The following CDC40 variants were observed in gnomAD, a reference collection of about 807,000 sequenced individuals.
CDC40 encodes pre-mRNA-processing factor 17.
CDC40 carries 27 observed loss-of-function variants against 80.6 expected under a neutral mutation model. That is an observed-to-expected ratio of 0.33 (90% CI 0.25 to 0.46). CDC40 has a LOEUF of 0.46. CDC40 is among the 20% of genes least tolerant of loss of function. The probability of loss-of-function intolerance (pLI) is 1.00; values close to 1 mark genes in which losing one functional copy is unlikely to be tolerated. For synonymous variants in CDC40, 221 were observed against 232.6 expected, an observed-to-expected ratio of 0.95 and a Z score of 0.45; for missense variants, 486 against 694.1, an observed-to-expected ratio of 0.70 and a Z score of 3.37.
chr6:110,213,766 A>G (rs1584077333), intron 8 of CDC40, among the ~76,000 whole-genome samples: 2 of 152,296 alleles, frequency 1.3e-5, no homozygotes, highest in Middle Eastern at 6.8e-3. Flanking sequence ...ATACTAGTAG[A>G]CACCAAGTAA....
At chr6:110,214,997 C>T (rs751987318) in intron 8 of CDC40, among the ~76,000 whole-genome samples, 1 of 152,130 alleles carries the variant, frequency 6.6e-6, no homozygotes, top group Non-Finnish European at 1.5e-5. Context: ...TGAAAACTTA[C>T]CTGAATTAAC....
At chr6:110,198,546 G>C (rs1027145978) in intron 2 of CDC40, among the ~76,000 whole-genome samples, 2 of 152,102 alleles carry the variant, frequency 1.3e-5, no homozygotes, top group African/African-American at 4.8e-5. Context: ...TTTTAATTGA[G>C]TTATTTATTT....
chr6:110,206,143 T>C (rs751180790), intron 3 of CDC40, among the ~76,000 whole-genome samples: 17 of 151,966 alleles, frequency 1.1e-4, no homozygotes, highest in Non-Finnish European at 1.8e-4. Flanking sequence ...TCTGTTTTTT[T>C]GTGTGTGTGT....
chr6:110,198,087 G>A (rs1367998770), intron 2 of CDC40, among the ~76,000 whole-genome samples: 1 of 151,860 alleles, frequency 6.6e-6, no homozygotes, highest in Non-Finnish European at 1.5e-5. Context: ...TTTTATAATA[G>A]CTACTCTGAC....
intron 12 of CDC40, among the ~76,000 whole-genome samples, chr6:110,220,825 G>A (rs1199702773): frequency 6.6e-6 from 1 of 152,144 alleles, no homozygotes. Flanking sequence ...AAAACCATCA[G>A]ATCTCATGTG....
rs367997989 is a variant in CDC40 at position 110,181,670 on chromosome 6, A to G, written c.189+1037A>G. Among the ~76,000 whole-genome samples the G allele has an allele frequency of 2.0e-5, 3 of 152,304 alleles. No homozygotes were observed. The East Asian group carries it at 5.8e-4, about 29-fold the overall frequency. On this transcript the variant is annotated intron_variant, in intron 1 of 14. Transcript: ENST00000307731. The stretch of plus-strand genomic sequence containing the variant: ...CTTAAGCCCCTCCAGTAACCTCCTG[A>G]GTCTTCTCCTTTCACAGCTCAGCTT...
At chr6:110,207,295 A>G (rs1209644310) in intron 3 of CDC40, among the ~76,000 whole-genome samples, 2 of 148,008 alleles carry the variant, frequency 1.4e-5, no homozygotes, top group Non-Finnish European at 3.0e-5. Context: ...AGCCTGGGTG[A>G]CAGGGTGAGA....
chr6:110,200,676 G>A (rs1777483327), intron 2 of CDC40, among the ~76,000 whole-genome samples: 1 of 152,132 alleles, frequency 6.6e-6, no homozygotes, highest in African/African-American at 2.4e-5. Flanking sequence ...TAGAATGCTT[G>A]ACTGCTGTTT....
At chr6:110,228,155 A>G (rs923061210) in intron 13 of CDC40, among the ~76,000 whole-genome samples, 1 of 152,158 alleles carries the variant, frequency 6.6e-6, no homozygotes, top group African/African-American at 2.4e-5. Flanking sequence ...GTATCTAAAC[A>G]TAGAAAAGGT....
chr6:110,198,178 A>C (rs1584067028), intron 2 of CDC40, among the ~76,000 whole-genome samples: 2 of 143,076 alleles, frequency 1.4e-5, no homozygotes, highest in South Asian at 4.4e-4. Flanking sequence ...ATACCTGTTG[A>C]CTTTTTTTTT....
At chr6:110,199,336 T>C (rs1286646995) in intron 2 of CDC40, among the ~76,000 whole-genome samples, 1 of 152,042 alleles carries the variant, frequency 6.6e-6, no homozygotes, top group Non-Finnish European at 1.5e-5. Context: ...CTCATGCCTA[T>C]AGACATCCCA....
chr6:110,215,263 GTGT>G lies in CDC40; in HGVS notation c.943-18_943-16del, dbSNP rs1362044226. On this transcript the variant is annotated intron_variant, in intron 8 of 14. Coordinates refer to ENST00000307731, the MANE Select transcript of CDC40 (RefSeq NM_015891.3). ...CCTTTATTAAATGTAATATTTCCAT[GTGT>G]TGTTTTTTTTCTCCCCCAGCTATGG... 1.1e-5 allele frequency: 18 copies of G among 1,600,380 alleles called. No individual in the cohort carries two copies. The highest frequency in any genetic ancestry group is 1.3e-5 in the Non-Finnish European group (15 of 1,168,406).
chr6:110,181,729 C>T (rs751416221), intron 1 of CDC40, among the ~76,000 whole-genome samples: 2 of 152,146 alleles, frequency 1.3e-5, no homozygotes, highest in Non-Finnish European at 2.9e-5. Flanking sequence ...GTCTCATTTT[C>T]TCCTCAACCC....
At chr6:110,215,148 GTTTAATA>G (rs1336264678) in intron 8 of CDC40, 131 bp from the exon 9 acceptor site, 9 of 658,158 alleles carry the variant, frequency 1.4e-5, no homozygotes, top group African/African-American at 3.7e-5. Flanking sequence ...GATATTCAGT[GTTTAATA>G]TTTAATGATT....
At chr6:110,219,564 C>T in intron 11 of CDC40, 85 bp downstream of exon 11, 1 of 1,074,200 alleles carries the variant, frequency 9.3e-7, no homozygotes, top group Non-Finnish European at 1.4e-6. Context: ...TAATATTACT[C>T]ATTTAATGTT....
rs760807962 is a variant in CDC40, at chr6:110,180,452, C to T, written c.8C>T (p.Ala3Val). 5 of 1,614,016 alleles carry T rather than the reference C, an allele frequency of 3.1e-6. 1 individual carries two copies. In the South Asian group the frequency reaches 3.3e-5, roughly 11 times the overall value. MS[A>V]AIAALAASYG... is the part of the protein sequence containing the mutation. ...AGAAGATTTGTTGCCGTCATGTCGG[C>T]TGCGATTGCAGCTCTGGCCGCTTCC... Residue 3 changes from alanine (A) to valine (V), a missense_variant, in exon 1 of 15, where the codon GCT becomes GTT. By Grantham distance (64) the Ala-to-Val change is moderately conservative. This residue lies in a region of CDC40 where 381 missense variants were observed against 492.1 expected (regional missense o/e 0.77). Coordinates refer to ENST00000307731, the MANE Select transcript of CDC40 (RefSeq NM_015891.3).
intron 12 of CDC40, among the ~76,000 whole-genome samples, chr6:110,220,639 G>C (rs1367239925): frequency 6.6e-6 from 1 of 151,962 alleles, no homozygotes; most frequent in Admixed American, 6.6e-5. Context: ...TAGAGATGGG[G>C]TTTCACTGTG....
At chr6:110,209,348 A>G (rs905670083) in intron 5 of CDC40, 125 bp downstream of exon 5, 16 of 702,700 alleles carry the variant, frequency 2.3e-5, no homozygotes, top group African/African-American at 2.2e-4. Context: ...TTCTGCCTTT[A>G]GTTGATTGAA....
chr6:110,219,963 G>T, intron 12 of CDC40, 94 bp downstream of exon 12: 1 of 1,353,124 alleles, frequency 7.4e-7, no homozygotes, highest in East Asian at 2.4e-5. Context: ...GCAACCATTT[G>T]AATATTTTTT....
Sources: allele counts gnomAD v4.1 joint callset (sites outside exome capture counted in the v4.1 genomes callset), GRCh38; gene constraint gnomAD v4.1.1; regional missense constraint gnomAD v4.1.1; transcripts MANE v1.5; gene names NCBI Gene and HGNC (gene_info 2026-07-23, HGNC 2026-07-21).